CCT5: variants seen among roughly 807,000 people sequenced by gnomAD.
CCT5 encodes the protein T-complex protein 1 subunit epsilon.
In CCT5, 6 loss-of-function variants were observed where a neutral mutation model predicts 55.0. That is an observed-to-expected ratio of 0.11 (90% CI 0.06 to 0.22). The LOEUF is 0.22. Among genes scored for constraint, CCT5 ranks in the 10% least tolerant of loss-of-function variants. The pLI is 1.00. For synonymous variants in CCT5, 231 were observed against 243.7 expected (o/e 0.95, Z 0.49); for missense variants, 560 against 694.6 (o/e 0.81, Z 2.18).
chr5:10,250,736 C>G, intron 1 of CCT5: 1 of 1,251,724 alleles, frequency 8.0e-7, no homozygotes. Flanking sequence ...GGGACCGCCT[C>G]CCCGCCCGGC....
chr5:10,261,673 T>C lies in CCT5; in HGVS notation c.1107T>C (p.Asp369=). The C allele has an allele frequency of 2.5e-6, 4 of 1,614,106 alleles. No homozygotes were observed. In the Admixed American group the frequency reaches 5.0e-5, roughly 20 times the overall value. ...VQEISFGTTK[D]KMLVIEQCKN... is the part of the protein sequence containing the mutation. ...AGATCTCATTTGGGACAACTAAGGATAAAATGCTGGTCATCGAGCAGTGTA... is the reference window on the plus strand; with the variant it reads ...AGATCTCATTTGGGACAACTAAGGACAAAATGCTGGTCATCGAGCAGTGTA... The change falls in exon 8 of 11, where the codon GAT becomes GAC. Residue 369 remains aspartate (D), a synonymous_variant. Transcript: ENST00000280326.
At chr5:10,263,084 G>T in intron 9 of CCT5, 50 bp from the exon 10 acceptor site, 1 of 1,499,436 alleles carries the variant, frequency 6.7e-7, no homozygotes, top group South Asian at 1.1e-5. Flanking sequence ...GGTGCCGCTG[G>T]GTTGTTTTGT....
intron 1 of CCT5, chr5:10,250,649 G>C (rs142138102): frequency 1.4e-4 from 192 of 1,418,528 alleles, no homozygotes; most frequent in Non-Finnish European, 1.5e-4. Context: ...GGAATGTGGG[G>C]GCCAGCCAGG....
chr5:10,261,843 G>GCT, intron 8 of CCT5, 98 bp downstream of exon 8: 1 of 938,386 alleles, frequency 1.1e-6, no homozygotes, highest in Non-Finnish European at 1.8e-6. Flanking sequence ...GTCACCATAA[G>GCT]AAAAATAATC....
intron 9 of CCT5, 24 bp from the exon 10 acceptor site, chr5:10,263,110 C>T: frequency 6.2e-7 from 1 of 1,612,054 alleles, no homozygotes; most frequent in East Asian, 2.2e-5. Flanking sequence ...CAAGTGCACT[C>T]ACCATACTTC....
intron 1 of CCT5, among the ~76,000 whole-genome samples, chr5:10,252,104 C>G (rs902892460): frequency 1.3e-5 from 2 of 152,190 alleles, no homozygotes; most frequent in Non-Finnish European, 2.9e-5. Context: ...TATTGACATT[C>G]GAGGTCGGAT....
chr5:10,262,252 G>T (rs1192329266), intron 8 of CCT5: 2 of 538,550 alleles, frequency 3.7e-6, no homozygotes, highest in Non-Finnish European at 6.7e-6. Context: ...GTCAGTTTTT[G>T]ACTCTTGCTT....
chr5:10,261,811 G>T (rs943014723), intron 8 of CCT5, 66 bp downstream of exon 8: 4 of 1,293,932 alleles, frequency 3.1e-6, no homozygotes, highest in East Asian at 2.3e-5. Context: ...TTTTTTGCCT[G>T]TGTGTATTTA....
chr5:10,250,128 C>T (rs1745290450), upstream of CCT5: 1 of 1,534,524 alleles, frequency 6.5e-7, no homozygotes, highest in Admixed American at 2.0e-5. Flanking sequence ...CAAACCTCCC[C>T]CTCCCCGGCT....
At position 10,252,151 on chromosome 5, in the gene CCT5, T is replaced by G. The variant is rs141629559; in HGVS notation, c.105+1706T>G. Among the ~76,000 whole-genome samples, 521 of 152,312 alleles carry G rather than the reference T, an allele frequency of 3.4e-3. 1 individual carries two copies. The highest frequency in any genetic ancestry group is 0.012 in the African/African-American group (497 of 41,570). Reference sequence around the variant, plus strand: ...GTGGGAGCTCATTTGGACAGTAACCTGGGTGTTTAAGTCTCTTAAAAGAGT... The same window carrying G: ...GTGGGAGCTCATTTGGACAGTAACCGGGGTGTTTAAGTCTCTTAAAAGAGT... On this transcript the variant is annotated intron_variant, in intron 1 of 10. Coordinates refer to ENST00000280326, the MANE Select transcript of CCT5 (RefSeq NM_012073.5).
intron 10 of CCT5, 68 bp downstream of exon 10, chr5:10,263,382 T>A: frequency 7.2e-7 from 1 of 1,390,842 alleles, no homozygotes; most frequent in Non-Finnish European, 1.0e-6. Context: ...AATCATCCAC[T>A]GTATGTGCTG....
chr5:10,264,417 T>C (rs961607018), intron 10 of CCT5, among the ~76,000 whole-genome samples: 6 of 152,208 alleles, frequency 3.9e-5, no homozygotes, highest in Admixed American at 6.5e-5. Context: ...AGCTAGTCAT[T>C]GAAGACAGTG....
chr5:10,250,699 C>T (rs1260391622), intron 1 of CCT5: 19 of 1,348,208 alleles, frequency 1.4e-5, no homozygotes, highest in Non-Finnish European at 1.9e-6. Flanking sequence ...TGGGGCCGCT[C>T]AGTCCGGTCG....
intron 1 of CCT5, 122 bp downstream of exon 1, chr5:10,250,567 G>C (rs1745332153): frequency 6.6e-7 from 1 of 1,516,850 alleles, no homozygotes; most frequent in South Asian, 1.2e-5. Context: ...GAGAATCTCC[G>C]TCTCCCTGCG....
rs147761775 is a variant in CCT5 at position 10,250,388 on chromosome 5, C to T, written c.48C>T (p.Phe16=). The T allele has an allele frequency of 1.9e-6, 3 of 1,614,036 alleles. No individual in the cohort carries two copies. The highest frequency in any genetic ancestry group is 1.3e-5 in the African/African-American group (1 of 74,942). ...TLAFDEYGRP[F]LIIKDQDRKS... ...CCTTCGATGAATATGGGCGCCCTTT[C>T]CTCATCATCAAGGATCAGGACCGCA... is the stretch of plus-strand genomic sequence containing the variant. Residue 16 remains phenylalanine (F), a synonymous_variant, in exon 1 of 11, where the codon TTC becomes TTT. Transcript: ENST00000280326.
At chr5:10,251,473 A>T (rs1201160933) in intron 1 of CCT5, among the ~76,000 whole-genome samples, 1 of 152,134 alleles carries the variant, frequency 6.6e-6, no homozygotes, top group Non-Finnish European at 1.5e-5. Context: ...GTTTGTTATA[A>T]AGTGAATTCA....
rs771088141 is a variant in CCT5, at chr5:10,256,114, C to A, written c.491C>A (p.Pro164His). 4 of 1,613,852 alleles carry A rather than the reference C, an allele frequency of 2.5e-6. No homozygotes were observed. The South Asian group carries it at 3.3e-5, about 13-fold the overall frequency. ...CTTGTTGACATAAAGGACACCGAACCCCTGATTCAGACAGCAAAAACCACG... is the reference window on the plus strand; with the variant it reads ...CTTGTTGACATAAAGGACACCGAACACCTGATTCAGACAGCAAAAACCACG... ...SVLVDIKDTEPLIQTAKTTLG... is the reference protein window; with the variant it reads ...SVLVDIKDTEHLIQTAKTTLG... The change falls in exon 4 of 11, where the codon CCC (proline) becomes CAC (histidine). Residue 164 changes from proline (P) to histidine (H), a missense_variant. Physicochemically the swap from Pro to His is moderately conservative, Grantham distance 77 (BLOSUM62 -2). Coordinates refer to ENST00000280326, the MANE Select transcript of CCT5 (RefSeq NM_012073.5).
Position 10,261,683 on chromosome 5 carries a change from G to C in CCT5, c.1117G>C (p.Val373Leu). ...TGGGACAACTAAGGATAAAATGCTG[G>C]TCATCGAGCAGTGTAAGAACTCCAG... ...SFGTTKDKML[V>L]IEQCKNSRAV... The change falls in exon 8 of 11, where the codon GTC becomes CTC. Residue 373 changes from valine to leucine, a missense_variant. Physicochemically the swap from Val to Leu is conservative, Grantham distance 32 (BLOSUM62 1). Coordinates refer to ENST00000280326, the MANE Select transcript of CCT5 (RefSeq NM_012073.5). The C allele has an allele frequency of 6.2e-7, 1 of 1,614,096 alleles. No homozygotes were observed. The highest frequency in any genetic ancestry group is 2.2e-5 in the East Asian group (1 of 44,884).
At chr5:10,264,333 A>G (rs540277314) in intron 10 of CCT5, among the ~76,000 whole-genome samples, 6 of 152,282 alleles carry the variant, frequency 3.9e-5, no homozygotes, top group Admixed American at 1.3e-4. Context: ...GGTCAGATGG[A>G]CTTACTTTAG....
Sources: gnomAD v4.1 joint callset for allele counts (sites outside exome capture counted in the v4.1 genomes callset) on GRCh38, gnomAD v4.1.1 for gene constraint, MANE v1.5 for transcripts, NCBI Gene and HGNC (gene_info 2026-07-23, HGNC 2026-07-21) for gene names.